The following RAB37 variants were observed in gnomAD, a reference collection of about 807,000 sequenced individuals.
RAB37 encodes the protein ras-related protein Rab-37.
A neutral mutation model predicts 33.1 loss-of-function variants in RAB37; 29 were observed. That is an observed-to-expected ratio of 0.88 (90% CI 0.65 to 1.20). RAB37 has a LOEUF of 1.20. RAB37 is among the 50% of genes most tolerant of loss of function. RAB37 has a pLI of 0.00. For missense variants in RAB37, 299 were observed against 301.1 expected (o/e 0.99, Z 0.05); for synonymous variants, 128 against 119.5 (o/e 1.07, Z -0.47).
chr17:74,700,459 G>A lies in RAB37; in HGVS notation c.73-28797G>A, dbSNP rs548426220. Among the ~76,000 whole-genome samples the A allele has an allele frequency of 3.3e-5, 5 of 152,224 alleles. No individual in the cohort carries two copies. The East Asian group carries it at 5.8e-4, about 18-fold the overall frequency. On this transcript the variant is annotated intron_variant, in intron 1 of 7. Coordinates refer to the RAB37 transcript ENST00000340415. ...TCCAGTCTTTGCTCAAGAATCACTC[G>A]ACTGAGCGCGGTGGCTTACACCTGT...
intron 1 of RAB37, among the ~76,000 whole-genome samples, chr17:74,727,868 CTGTGTT>C (rs1480624685): frequency 6.6e-6 from 1 of 150,546 alleles, no homozygotes; most frequent in East Asian, 2.0e-4. Flanking sequence ...GTGTCTGTGT[CTGTGTT>C]TGTGTTTATG....
At chr17:74,743,791 A>G (rs998415125) in intron 5 of RAB37, among the ~76,000 whole-genome samples, 2 of 152,176 alleles carry the variant, frequency 1.3e-5, no homozygotes, top group East Asian at 1.9e-4. Flanking sequence ...TCAAGCACCA[A>G]TTTTGTTCAC....
At chr17:74,702,315 A>G (rs931785153) in intron 1 of RAB37, among the ~76,000 whole-genome samples, 4 of 152,184 alleles carry the variant, frequency 2.6e-5, no homozygotes, top group Non-Finnish European at 4.4e-5. Flanking sequence ...GCTATGGTGT[A>G]GAGCCCAGAG....
In RAB37 at chr17:74,676,501, C is replaced by A. The variant is rs1430198694; in HGVS notation, c.72+4843C>A. ...AAAGGAAAAGGCAAGCAGGTAATATCTGCCACTCTCCCCCATCTCCTGCAC... is the reference window on the plus strand; with the variant it reads ...AAAGGAAAAGGCAAGCAGGTAATATATGCCACTCTCCCCCATCTCCTGCAC... On this transcript the variant is annotated intron_variant, in intron 1 of 7. Coordinates refer to the RAB37 transcript ENST00000340415. The surrounding 1 kb of genome is among the most constrained non-coding windows in gnomAD (Gnocchi z 4.1). 2.0e-5 allele frequency among the ~76,000 whole-genome samples: 3 copies of A among 152,198 alleles called. No homozygotes were observed. Among genetic ancestry groups the A allele is most frequent in the Non-Finnish European group, 4.4e-5 (3 of 68,038 alleles).
At chr17:74,695,803 G>A (rs142837945) in intron 1 of RAB37, 69 of 1,614,158 alleles carry the variant, frequency 4.3e-5, no homozygotes, top group Admixed American at 1.2e-4. Flanking sequence ...GGGAGGTTCC[G>A]GCCAGCTGCA....
chr17:74,712,639 T>C (rs1417308318), intron 1 of RAB37, among the ~76,000 whole-genome samples: 1 of 152,244 alleles, frequency 6.6e-6, no homozygotes, highest in Non-Finnish European at 1.5e-5. Context: ...GGCTTCATTA[T>C]GAAGGTCATG....
chr17:74,704,536 A>T, intron 1 of RAB37: 1 of 1,614,072 alleles, frequency 6.2e-7, no homozygotes, highest in Non-Finnish European at 8.5e-7. Context: ...TCTCAATTCC[A>T]CACCAGTAAG....
rs2034782904 is a variant in RAB37 at position 74,747,269 on chromosome 17, C to T, written c.*1858C>T. The T allele has an allele frequency of 6.6e-6, 1 of 151,958 alleles. No homozygotes were observed. Among genetic ancestry groups the T allele is most frequent in the African/African-American group, 2.4e-5 (1 of 41,330 alleles). The allele number at this position is 151,958 out of a possible 1,614,324, so 9.4% of individuals were successfully genotyped here. ...AAGGCAGGTTGCAGGAGATCCAATC[C>T]CATAGACAGCTCTGGGCCTCTTGCA... On this transcript the variant is annotated 3_prime_UTR_variant, in exon 9 of 9. Coordinates refer to ENST00000392613, the MANE Select transcript of RAB37 (RefSeq NM_001006638.3).
chr17:74,714,529 C>T (rs1034191243), intron 1 of RAB37, among the ~76,000 whole-genome samples: 3 of 152,096 alleles, frequency 2.0e-5, no homozygotes, highest in African/African-American at 4.8e-5. Flanking sequence ...ACGAAGGAAG[C>T]TCCTACTGCT....
At chr17:74,696,347 T>A (rs2032475685) in intron 1 of RAB37, 2 of 917,160 alleles carry the variant, frequency 2.2e-6, no homozygotes, top group Non-Finnish European at 3.2e-6. Flanking sequence ...AGGGACCTGG[T>A]TCTAATTCTG....
At chr17:74,717,187 A>C (rs2034176252) in intron 1 of RAB37, among the ~76,000 whole-genome samples, 1 of 152,180 alleles carries the variant, frequency 6.6e-6, no homozygotes. Context: ...AGAATGTTTT[A>C]TCATGCACTG....
rs957484827 is a variant in RAB37 at position 74,730,822 on chromosome 17, C to T, written c.183+1456C>T. Among the ~76,000 whole-genome samples the T allele has an allele frequency of 2.6e-5, 4 of 152,200 alleles. No homozygotes were observed. Among genetic ancestry groups the T allele is most frequent in the Admixed American group, 6.5e-5 (1 of 15,290 alleles). On this transcript the variant is annotated intron_variant, in intron 2 of 7. Coordinates refer to the RAB37 transcript ENST00000340415. This position sits in a 1 kb window ranked among gnomAD's most constrained non-coding sequence, Gnocchi z 4.4. ...CTGTGGACATGCAAAGTCTGACTCA[C>T]GTTCCACAGACCACAGAGGTGAGAT...
intron 1 of RAB37, among the ~76,000 whole-genome samples, chr17:74,689,751 G>C (rs1366503510): frequency 6.6e-6 from 1 of 152,146 alleles, no homozygotes. Flanking sequence ...AAGCAGCTTT[G>C]AGCTCTATTT....
In RAB37 at chr17:74,743,344, G is replaced by T. The variant is rs549994811; in HGVS notation, c.366+4G>T. ...ATCTTCTTTCGACAACATCAGGGTA[G>T]GTCCTCCCTTCCCCTGACTCCCACC... On this transcript the variant is annotated splice_donor_region_variant and intron_variant, in intron 5 of 8. Coordinates refer to ENST00000392613, the MANE Select transcript of RAB37 (RefSeq NM_001006638.3). 63 of 1,613,970 alleles carry T rather than the reference G, an allele frequency of 3.9e-5. 1 individual carries two copies. In the South Asian group the frequency reaches 6.7e-4, roughly 17 times the overall value.
rs533932820 is a variant in RAB37 at position 74,745,843 on chromosome 17, A to G, written c.*432A>G. ...CATCGCACCCTCAGTTCAGCTGGACAGAGGCTCAGGTGACCCCAGCCTTCA... is the reference window on the plus strand; with the variant it reads ...CATCGCACCCTCAGTTCAGCTGGACGGAGGCTCAGGTGACCCCAGCCTTCA... On this transcript the variant is annotated 3_prime_UTR_variant, in exon 9 of 9. Transcript: ENST00000392613. The surrounding 1 kb of genome is among the most constrained non-coding windows in gnomAD (Gnocchi z 4.5). 8 of 164,836 alleles carry G rather than the reference A, an allele frequency of 4.9e-5. 1 individual carries two copies. In the South Asian group the frequency reaches 1.1e-3, roughly 23 times the overall value. The allele number at this position is 164,836 out of a possible 1,614,324, so 10.2% of individuals were successfully genotyped here. A position where few individuals can be genotyped will look rare whatever the true frequency, so the allele number is the denominator to read the frequency against.
intron 1 of RAB37, among the ~76,000 whole-genome samples, chr17:74,685,201 T>G (rs1399198290): frequency 6.6e-6 from 1 of 152,006 alleles, no homozygotes; most frequent in Non-Finnish European, 1.5e-5. Flanking sequence ...TGTTTTTGTT[T>G]TGATATGGAG....
At chr17:74,675,217 A>C (rs1005675932) in intron 1 of RAB37, among the ~76,000 whole-genome samples, 1 of 152,068 alleles carries the variant, frequency 6.6e-6, no homozygotes, top group Non-Finnish European at 1.5e-5. Context: ...AGGATGAATC[A>C]TGAGGTCAGG....
chr17:74,687,532 C>T (rs192114077), intron 1 of RAB37, among the ~76,000 whole-genome samples: 1 of 152,160 alleles, frequency 6.6e-6, no homozygotes, highest in East Asian at 1.9e-4. Flanking sequence ...CCAAGTCACC[C>T]TTTCTTGATG....
At position 74,745,123 on chromosome 17, in the gene RAB37, G is replaced by T. The variant is rs757299070; in HGVS notation, c.566+39G>T. Reference sequence around the variant, plus strand: ...AGGGAAGGGAAGTGTGCGGGGCAGGGCGGCACACTCCAGGAATCCAGTAGG... The same window carrying T: ...AGGGAAGGGAAGTGTGCGGGGCAGGTCGGCACACTCCAGGAATCCAGTAGG... On this transcript the variant is annotated intron_variant, in intron 8 of 8. Coordinates refer to ENST00000392613, the MANE Select transcript of RAB37 (RefSeq NM_001006638.3). This position sits in a 1 kb window ranked among gnomAD's most constrained non-coding sequence, Gnocchi z 4.5. 6.2e-7 allele frequency: 1 copy of T among 1,605,020 alleles called. No individual in the cohort carries two copies. The highest frequency in any genetic ancestry group is 2.2e-5 in the East Asian group (1 of 44,810).
Sources: allele counts gnomAD v4.1 joint callset (sites outside exome capture counted in the v4.1 genomes callset), GRCh38; gene constraint gnomAD v4.1.1; non-coding constraint Gnocchi (gnomAD v3.1); transcripts MANE v1.5; gene names NCBI Gene and HGNC (gene_info 2026-07-23, HGNC 2026-07-21).